The following FYB1 variants were observed in gnomAD, a reference collection of about 807,000 sequenced individuals.
The protein encoded by FYB1 is FYN-binding protein 1.
FYB1 carries 41 observed loss-of-function variants against 94.1 expected under a neutral mutation model. The ratio of observed to expected loss-of-function variants is 0.44; its 90% CI spans 0.34 to 0.57. The LOEUF (loss-of-function observed/expected upper bound fraction) is 0.57, where lower values mean the gene tolerates loss of function less well. Among genes scored for constraint, FYB1 ranks in the 20% least tolerant of loss-of-function variants. FYB1 has a pLI of 0.02. For missense variants in FYB1, 1,050 were observed against 976.8 expected, an observed-to-expected ratio of 1.07 and a Z score of -1.00; for synonymous variants, 367 against 353.2, an observed-to-expected ratio of 1.04 and a Z score of -0.44.
intron 2 of FYB1, among the ~76,000 whole-genome samples, chr5:39,175,077 T>A (rs976581792): frequency 5.3e-5 from 8 of 152,016 alleles, no homozygotes; most frequent in South Asian, 2.1e-4. Context: ...GTAAGCAAGA[T>A]TGACAAATAA....
At chr5:39,110,658 C>CT (rs1290126418) in intron 16 of FYB1, 4 of 332,882 alleles carry the variant, frequency 1.2e-5, no homozygotes, top group African/African-American at 8.7e-5. Context: ...AAAAAAGCAA[C>CT]TTTTTTCATT....
chr5:39,162,248 G>T (rs1744319621), intron 2 of FYB1, among the ~76,000 whole-genome samples: 2 of 152,016 alleles, frequency 1.3e-5, no homozygotes, highest in South Asian at 4.1e-4. Flanking sequence ...GAGGAACTCT[G>T]GATTGTTGCT....
Position 39,134,317 on chromosome 5 carries a change from C to A in FYB1, c.1708G>T (p.Asp570Tyr). The A allele has an allele frequency of 1.9e-6, 3 of 1,611,582 alleles. No individual in the cohort carries two copies. Among genetic ancestry groups the A allele is most frequent in the Non-Finnish European group, 1.7e-6 (2 of 1,178,096 alleles). ...GYIKTTAVEI[D>Y]YDSLKLKKDS... ...TTTTTCAGTTTCAAAGAATCATAGT[C>A]AATCTCTACAGCAGTTGTTTTAATA... The change falls in exon 9 of 19, where the codon GAC (aspartate) becomes TAC (tyrosine). Residue 570 changes from aspartate to tyrosine, a missense_variant. By Grantham distance (160) the Asp-to-Tyr change is radical. Coordinates refer to ENST00000512982, the MANE Select transcript of FYB1 (RefSeq NM_001465.6).
chr5:39,115,717 G>A (rs2150269191), intron 16 of FYB1, among the ~76,000 whole-genome samples: 1 of 152,214 alleles, frequency 6.6e-6, no homozygotes, highest in South Asian at 2.1e-4. Flanking sequence ...CCCAGTCCAT[G>A]GAAGGAGTAA....
At chr5:39,216,812 A>G (rs929383049) in intron 1 of FYB1, among the ~76,000 whole-genome samples, 2 of 152,176 alleles carry the variant, frequency 1.3e-5, no homozygotes, top group African/African-American at 4.8e-5. Context: ...GTGGCATTTC[A>G]CCTGCACTTA....
upstream of FYB1, among the ~76,000 whole-genome samples, chr5:39,221,940 G>A (rs1269951217): frequency 6.6e-6 from 1 of 152,076 alleles, no homozygotes; most frequent in Non-Finnish European, 1.5e-5. Context: ...GGCGGAGGTT[G>A]CAGTGAGCTG....
chr5:39,117,105 A>G (rs1310262243), intron 16 of FYB1, among the ~76,000 whole-genome samples: 2 of 152,184 alleles, frequency 1.3e-5, no homozygotes, highest in Non-Finnish European at 2.9e-5. Flanking sequence ...TTATTTGGAA[A>G]GTAGAGGGCA....
At chr5:39,230,578 G>A (rs1188083828) in intron 1 of FYB1, among the ~76,000 whole-genome samples, 4 of 151,942 alleles carry the variant, frequency 2.6e-5, no homozygotes, top group Non-Finnish European at 5.9e-5. Context: ...GTATATGTGT[G>A]TGTGTATATA....
Position 39,127,844 on chromosome 5 carries a change from T to G in FYB1, c.1841-37A>C, listed in dbSNP as rs947292812. 4.5e-6 allele frequency: 7 copies of G among 1,565,706 alleles called. No homozygotes were observed. The South Asian group carries it at 8.5e-5, about 19-fold the overall frequency. The stretch of plus-strand genomic sequence containing the variant: ...TTGGAGGAAAATCTTCTGTTAATTT[T>G]ATAATTTGGCCATGTAATGCTCACT... On this transcript the variant is annotated intron_variant, in intron 10 of 18. Transcript: ENST00000512982.
chr5:39,151,731 ATC>A (rs1458419002), intron 3 of FYB1, among the ~76,000 whole-genome samples: 1 of 152,230 alleles, frequency 6.6e-6, no homozygotes, highest in Admixed American at 6.5e-5. Context: ...TGTAAAGGAA[ATC>A]TATTAGATCT....
At chr5:39,114,157 A>C (rs1222738028) in intron 16 of FYB1, among the ~76,000 whole-genome samples, 1 of 152,206 alleles carries the variant, frequency 6.6e-6, no homozygotes, top group Admixed American at 6.5e-5. Context: ...TTTGGCCACA[A>C]ATAACTCAGA....
Position 39,124,173 on chromosome 5 carries a change from G to T in FYB1, c.2071+80C>A, listed in dbSNP as rs372781837. On this transcript the variant is annotated intron_variant, in intron 13 of 18. Transcript: ENST00000512982. ...TTTTCAGAGTCAAGACTTTAATGCA[G>T]ATACTATATCCAGAGCTTTCCCACT... 27 of 939,340 alleles carry T rather than the reference G, an allele frequency of 2.9e-5. No individual in the cohort carries two copies. In the East Asian group the frequency reaches 6.2e-4, roughly 22 times the overall value. The allele number at this position is 939,340 out of a possible 1,614,324, so 58.2% of individuals were successfully genotyped here. A position where few individuals can be genotyped will look rare whatever the true frequency, so the allele number is the denominator to read the frequency against.
intron 1 of FYB1, among the ~76,000 whole-genome samples, chr5:39,241,176 A>T (rs1303950222): frequency 1.3e-5 from 2 of 152,154 alleles, no homozygotes; most frequent in African/African-American, 2.4e-5. Context: ...AGGAGCTTAG[A>T]GGATAGAGAG....
At position 39,202,753 on chromosome 5, in the gene FYB1, A is replaced by T; in HGVS notation, c.208T>A (p.Ser70Thr). 1 of 1,613,820 alleles carries T rather than the reference A, an allele frequency of 6.2e-7. No homozygotes were observed. The highest frequency in any genetic ancestry group is 1.7e-5 in the Admixed American group (1 of 59,996). ...PKPPVAVKPSSEEKPDKEPKP... is the reference protein window; with the variant it reads ...PKPPVAVKPSTEEKPDKEPKP... The stretch of plus-strand genomic sequence containing the variant: ...GGTTCCTTGTCAGGCTTTTCCTCAG[A>T]AGAAGGTTTGACTGCCACAGGTGGC... Residue 70 changes from serine (S) to threonine (T), a missense_variant, in exon 2 of 19, where the codon TCT (serine) becomes ACT (threonine). Physicochemically the swap from Ser to Thr is moderately conservative, Grantham distance 58. Transcript: ENST00000512982.
intron 14 of FYB1, among the ~76,000 whole-genome samples, chr5:39,121,314 C>T (rs74790344): frequency 0.039 from 5,815 of 150,990 alleles, 386 homozygotes; most frequent in African/African-American, 0.13. Flanking sequence ...AAAAGGGCAA[C>T]GGCTCTCTTT....
chr5:39,121,583 C>T (rs934524987), intron 14 of FYB1, among the ~76,000 whole-genome samples: 3 of 151,988 alleles, frequency 2.0e-5, no homozygotes, highest in Non-Finnish European at 4.4e-5. Flanking sequence ...TCTTTCTTTT[C>T]TCTTGAAAAA....
At chr5:39,244,358 T>A (rs1051256156) in intron 1 of FYB1, among the ~76,000 whole-genome samples, 23 of 152,114 alleles carry the variant, frequency 1.5e-4, no homozygotes, top group Non-Finnish European at 4.4e-5. Context: ...TGAAGGACTG[T>A]TGAATTTTGT....
intron 3 of FYB1, among the ~76,000 whole-genome samples, chr5:39,143,321 C>T (rs1411417241): frequency 6.6e-6 from 1 of 152,156 alleles, no homozygotes; most frequent in Non-Finnish European, 1.5e-5. Context: ...AGCAACTCAT[C>T]CTTTGTTTGT....
At chr5:39,170,387 C>A (rs1745142003) in intron 2 of FYB1, 3 of 719,084 alleles carry the variant, frequency 4.2e-6, no homozygotes, top group Non-Finnish European at 6.6e-6. Context: ...GCCAGCTGCA[C>A]CGTGGTCTTG....
Sources: gnomAD v4.1 joint callset for allele counts (sites outside exome capture counted in the v4.1 genomes callset) on GRCh38, gnomAD v4.1.1 for gene constraint, MANE v1.5 for transcripts, NCBI Gene and HGNC (gene_info 2026-07-23, HGNC 2026-07-21) for gene names.